The following AP4S1 variants were observed in gnomAD, a reference collection of about 807,000 sequenced individuals.
AP4S1 encodes the protein adaptor related protein complex 4 subunit sigma 1.
Under a neutral mutation model 19.8 loss-of-function variants are expected in AP4S1, and 23 were observed. The observed-to-expected ratio is 1.16, with a 90% confidence interval of 0.84 to 1.65. The LOEUF is 1.65. Ranked by LOEUF, AP4S1 falls within the 40% of genes most tolerant of loss-of-function variation. The pLI is 0.00. For missense variants in AP4S1, 166 were observed against 172.8 expected, an observed-to-expected ratio of 0.96 and a Z score of 0.22; for synonymous variants, 46 against 54.1, an observed-to-expected ratio of 0.85 and a Z score of 0.66.
At chr14:31,035,969 A>G (rs1363453780) in intron 1 of AP4S1, among the ~76,000 whole-genome samples, 3 of 151,936 alleles carry the variant, frequency 2.0e-5, no homozygotes, top group East Asian at 3.9e-4. Flanking sequence ...TGACCTGGTG[A>G]TCCGCCCGCC....
At chr14:31,053,063 C>T (rs1885895874) in intron 1 of AP4S1, among the ~76,000 whole-genome samples, 1 of 150,656 alleles carries the variant, frequency 6.6e-6, no homozygotes, top group Non-Finnish European at 1.5e-5. Context: ...GCCTTAGCCT[C>T]CCAAGTAGCT....
At chr14:31,026,182 C>T in intron 1 of AP4S1, 5 of 1,468,796 alleles carry the variant, frequency 3.4e-6, no homozygotes, top group Non-Finnish European at 4.5e-6. Flanking sequence ...GCAAGCTCGT[C>T]CATTGTGTGT....
chr14:31,063,157 G>T (rs1341062305), intron 1 of AP4S1, among the ~76,000 whole-genome samples: 1 of 151,998 alleles, frequency 6.6e-6, no homozygotes, highest in Non-Finnish European at 1.5e-5. Context: ...AAGGCCGAGC[G>T]CAGTGACTCA....
At chr14:31,025,473 G>C, upstream of AP4S1, 1 of 170,474 alleles carries the variant, frequency 5.9e-6, no homozygotes, top group South Asian at 1.1e-4. Context: ...TCCGGAAAAG[G>C]GGGGTAAGAT....
intron 2 of AP4S1, 42 bp from the exon 3 acceptor site, chr14:31,069,801 C>G (rs376464870): frequency 7.5e-6 from 11 of 1,460,550 alleles, no homozygotes; most frequent in South Asian, 1.1e-5. Context: ...AAAGAACTCT[C>G]TCTCAGCCAC....
chr14:31,059,375 G>C (rs1886303900), intron 1 of AP4S1, among the ~76,000 whole-genome samples: 1 of 152,158 alleles, frequency 6.6e-6, no homozygotes, highest in African/African-American at 2.4e-5. Context: ...TTGATCCCTT[G>C]TTGTAACACC....
In AP4S1 at chr14:31,093,688, T is replaced by G. The variant is rs1888134138; in HGVS notation, c.*653T>G. On this transcript the variant is annotated 3_prime_UTR_variant, in exon 6 of 6. Coordinates refer to ENST00000542754, the MANE Select transcript of AP4S1 (RefSeq NM_001128126.3). ...CTCAAACTCCTGACCTCAGGTGATC[T>G]GCCTGCCTCAGCCTCCCAGAACGCT... The G allele has an allele frequency of 6.6e-6, 1 of 152,200 alleles. No individual in the cohort carries two copies. The highest frequency in any genetic ancestry group is 1.5e-5 in the Non-Finnish European group (1 of 68,166). The allele number at this position is 152,200 out of a possible 1,614,324, so 9.4% of individuals were successfully genotyped here. A position where few individuals can be genotyped will look rare whatever the true frequency, so the allele number is the denominator to read the frequency against.
At chr14:31,052,495 C>A (rs1885851761) in intron 1 of AP4S1, among the ~76,000 whole-genome samples, 1 of 151,894 alleles carries the variant, frequency 6.6e-6, no homozygotes, top group African/African-American at 2.4e-5. Context: ...AAGGCCAAGG[C>A]GGGCAGATCA....
intron 1 of AP4S1, among the ~76,000 whole-genome samples, chr14:31,054,143 T>C (rs1268850859): frequency 6.6e-6 from 1 of 152,206 alleles, no homozygotes; most frequent in African/African-American, 2.4e-5. Flanking sequence ...TGTGTGAGGA[T>C]CTGAAGTAAG....
intron 1 of AP4S1, chr14:31,026,194 G>A: frequency 7.0e-7 from 1 of 1,425,122 alleles, no homozygotes; most frequent in Non-Finnish European, 9.1e-7. Context: ...ATTGTGTGTG[G>A]GGCCCCGGCC....
At chr14:31,073,476 C>T (rs1283684189) in intron 4 of AP4S1, among the ~76,000 whole-genome samples, 27 of 147,386 alleles carry the variant, frequency 1.8e-4, no homozygotes, top group East Asian at 6.0e-4. Context: ...GGCAACAGAG[C>T]GAGACTCCGT....
intron 1 of AP4S1, among the ~76,000 whole-genome samples, chr14:31,056,301 A>G (rs1886111349): frequency 6.6e-6 from 1 of 151,834 alleles, no homozygotes; most frequent in African/African-American, 2.4e-5. Flanking sequence ...CAATCTTCCA[A>G]GTAGCTAATA....
At chr14:31,087,065 T>G (rs1372877015) in intron 5 of AP4S1, among the ~76,000 whole-genome samples, 1 of 152,122 alleles carries the variant, frequency 6.6e-6, no homozygotes, top group Non-Finnish European at 1.5e-5. Context: ...GCTGGCTAAT[T>G]TAAAAAAATT....
intron 5 of AP4S1, among the ~76,000 whole-genome samples, chr14:31,092,587 A>G (rs1888105490): frequency 6.6e-6 from 1 of 152,208 alleles, no homozygotes; most frequent in South Asian, 2.1e-4. Context: ...TTTTTGAGTT[A>G]AGGTCATTCT....
intron 1 of AP4S1, among the ~76,000 whole-genome samples, chr14:31,046,254 G>A (rs552517995): frequency 6.6e-6 from 1 of 152,152 alleles, no homozygotes; most frequent in African/African-American, 2.4e-5. Flanking sequence ...TCCACACCCA[G>A]CCAGAAGATT....
At chr14:31,065,719 G>T (rs988981605) in intron 1 of AP4S1, among the ~76,000 whole-genome samples, 2 of 152,036 alleles carry the variant, frequency 1.3e-5, no homozygotes, top group East Asian at 3.9e-4. Context: ...GGAGTGCAGT[G>T]GCGCAATCTC....
intron 4 of AP4S1, among the ~76,000 whole-genome samples, chr14:31,075,337 T>C (rs1260118683): frequency 6.6e-6 from 1 of 152,244 alleles, no homozygotes; most frequent in Non-Finnish European, 1.5e-5. Context: ...GTTCCATACA[T>C]GTTTCTGCAA....
chr14:31,080,491 A>G lies in AP4S1; in HGVS notation c.295-82A>G. On this transcript the variant is annotated intron_variant, in intron 4 of 5. Coordinates refer to ENST00000542754, the MANE Select transcript of AP4S1 (RefSeq NM_001128126.3). Reference sequence around the variant, plus strand: ...GAGAGGCCGCTGCTATGGACGCAGAAGCCTCTTCAGTCTGACTCTGCTAAG... The same window carrying G: ...GAGAGGCCGCTGCTATGGACGCAGAGGCCTCTTCAGTCTGACTCTGCTAAG... The G allele has an allele frequency of 3.4e-6, 4 of 1,184,898 alleles. No homozygotes were observed. The South Asian group carries it at 5.0e-5, about 15-fold the overall frequency. 73.4% of individuals were successfully genotyped at this position (1,184,898 alleles called of 1,614,324 possible).
At chr14:31,039,572 G>GTTTTTTTT (rs1398903989) in intron 1 of AP4S1, among the ~76,000 whole-genome samples, 11 of 115,820 alleles carry the variant, frequency 9.5e-5, no homozygotes, top group African/African-American at 1.2e-4. Flanking sequence ...GTGTAGTTTT[G>GTTTTTTTT]TTTTTTTTTT....
Sources: allele counts gnomAD v4.1 joint callset (sites outside exome capture counted in the v4.1 genomes callset), GRCh38; gene constraint gnomAD v4.1.1; transcripts MANE v1.5; gene names NCBI Gene and HGNC (gene_info 2026-07-23, HGNC 2026-07-21).